Variants in GGA1 observed in about 807,000 individuals in gnomAD.
The protein encoded by GGA1 is ADP-ribosylation factor-binding protein GGA1.
Under a neutral mutation model 76.9 loss-of-function variants are expected in GGA1, and 18 were observed. The observed-to-expected ratio is 0.23, with a 90% CI of 0.16 to 0.35. The LOEUF (loss-of-function observed/expected upper bound fraction) is 0.35. Ranked by LOEUF, GGA1 falls within the 10% of genes least tolerant of loss-of-function variation. The pLI is 1.00. For synonymous variants in GGA1, 342 were observed against 354.7 expected, an observed-to-expected ratio of 0.96 and a Z score of 0.40; for missense variants, 755 against 859.0, an observed-to-expected ratio of 0.88 and a Z score of 1.51.
rs1428518969 is a variant in GGA1 at position 37,624,930 on chromosome 22, A to C, written c.833-39A>C. The C allele has an allele frequency of 1.3e-6, 2 of 1,548,708 alleles. No individual in the cohort carries two copies. The highest frequency in any genetic ancestry group is 1.4e-5 in the African/African-American group (1 of 73,274). On this transcript the variant is annotated intron_variant, in intron 9 of 16. Coordinates refer to ENST00000343632, the MANE Select transcript of GGA1 (RefSeq NM_013365.5). The surrounding 1 kb of genome is among the most constrained non-coding windows in gnomAD (Gnocchi z 4.3). ...TCCCCTGCCGCCCAGAGGCCCCCAC[A>C]GTCCTTCAGCCTGGCCTCTCCCCTC...
Position 37,630,936 on chromosome 22 carries a change from C to G in GGA1, c.1365C>G (p.Leu455=), listed in dbSNP as rs772879217. 3 of 1,613,180 alleles carry G rather than the reference C, an allele frequency of 1.9e-6. No individual in the cohort carries two copies. Among genetic ancestry groups the G allele is most frequent in the Non-Finnish European group, 2.5e-6 (3 of 1,179,802 alleles). The change falls in exon 14 of 17, where the codon CTC becomes CTG. Residue 455 remains leucine, a synonymous_variant. Coordinates refer to ENST00000343632, the MANE Select transcript of GGA1 (RefSeq NM_013365.5). ...AGCAGCCAACCCCCCGGCTCACACT[C>G]CGGGACCTGCAGAATAAGAGCAGCA... ...EKQQPTPRLT[L]RDLQNKSSSC...
At chr22:37,628,928 G>A (rs968006081) in intron 11 of GGA1, among the ~76,000 whole-genome samples, 1 of 152,234 alleles carries the variant, frequency 6.6e-6, no homozygotes, top group Non-Finnish European at 1.5e-5. Context: ...CATAGTACCA[G>A]TGAGCCTCAC....
At chr22:37,622,432 C>CT (rs111826828) in intron 7 of GGA1, among the ~76,000 whole-genome samples, 23 of 142,784 alleles carry the variant, frequency 1.6e-4, no homozygotes, top group Non-Finnish European at 2.9e-4. Context: ...CCTGCTGAAA[C>CT]TTTTTTTTTT....
At position 37,624,876 on chromosome 22, in the gene GGA1, C is replaced by G; in HGVS notation, c.833-93C>G. On this transcript the variant is annotated intron_variant, in intron 9 of 16. Coordinates refer to ENST00000343632, the MANE Select transcript of GGA1 (RefSeq NM_013365.5). This position sits in a 1 kb window ranked among gnomAD's most constrained non-coding sequence, Gnocchi z 4.3. ...CCTGCCCCTTTCCCTTCCCCTCACA[C>G]ACAGGCTGTGATGGATGTGGGGTCC... 1 of 1,494,500 alleles carries G rather than the reference C, an allele frequency of 6.7e-7. No homozygotes were observed. The highest frequency in any genetic ancestry group is 2.5e-5 in the East Asian group (1 of 39,986). The allele number at this position is 1,494,500 out of a possible 1,614,324, so 92.6% of individuals were successfully genotyped here. A position where few individuals can be genotyped will look rare whatever the true frequency, so the allele number is the denominator to read the frequency against.
At chr22:37,615,942 G>A (rs550614700) in intron 2 of GGA1, among the ~76,000 whole-genome samples, 17 of 151,526 alleles carry the variant, frequency 1.1e-4, no homozygotes, top group Non-Finnish European at 2.2e-4. Flanking sequence ...CCAGGTTCAC[G>A]CGGTTCTCCT....
At chr22:37,608,939 C>G in intron 1 of GGA1, 36 bp downstream of exon 1, 2 of 1,323,248 alleles carry the variant, frequency 1.5e-6, no homozygotes, top group Non-Finnish European at 1.9e-6. Flanking sequence ...CGGACCGGAA[C>G]CGGAACCGGG....
At position 37,632,430 on chromosome 22, in the gene GGA1, C is replaced by T. The variant is rs1931989513; in HGVS notation, c.1724C>T (p.Pro575Leu). The T allele has an allele frequency of 6.2e-7, 1 of 1,613,264 alleles. No individual in the cohort carries two copies. The highest frequency in any genetic ancestry group is 8.5e-7 in the Non-Finnish European group (1 of 1,179,260). The stretch of plus-strand genomic sequence containing the variant: ...GTTATGAAGGTGAAGCTGCAGCCAC[C>T]CTCGGGCACGGAGCTGCCAGCTTTT... ...PKVMKVKLQP[P>L]SGTELPAFNP... The change falls in exon 16 of 17, where the codon CCC becomes CTC. Residue 575 changes from proline to leucine, a missense_variant. Transcript: ENST00000343632. This position sits in a 1 kb window ranked among gnomAD's most constrained non-coding sequence, Gnocchi z 5.1.
At chr22:37,611,523 G>T (rs917520965) in intron 1 of GGA1, among the ~76,000 whole-genome samples, 1 of 152,224 alleles carries the variant, frequency 6.6e-6, no homozygotes, top group African/African-American at 2.4e-5. Flanking sequence ...CAGGGATTTT[G>T]TCTGTTCACT....
intron 1 of GGA1, among the ~76,000 whole-genome samples, chr22:37,609,788 C>T (rs1927163405): frequency 6.6e-6 from 1 of 152,164 alleles, no homozygotes; most frequent in Non-Finnish European, 1.5e-5. Flanking sequence ...GGGTTCTCTC[C>T]CAAGGCTTTA....
Position 37,625,780 on chromosome 22 carries a change from CTTCT to C in GGA1, c.941-13_941-10del, listed in dbSNP as rs1302160473. 1.9e-6 allele frequency: 3 copies of C among 1,539,520 alleles called. No homozygotes were observed. Among genetic ancestry groups the C allele is most frequent in the Non-Finnish European group, 1.8e-6 (2 of 1,136,324 alleles). Reference sequence around the variant, plus strand: ...GTGTACACCCAGGACTTGCCAGCCTCTTCTTTCCCACCCCAGGGAGCACCTCGGC... The same window carrying C: ...GTGTACACCCAGGACTTGCCAGCCTCTTCCCACCCCAGGGAGCACCTCGGC... On this transcript the variant is annotated splice_polypyrimidine_tract_variant and intron_variant, in intron 10 of 16. Transcript: ENST00000343632. This position sits in a 1 kb window ranked among gnomAD's most constrained non-coding sequence, Gnocchi z 4.1.
chr22:37,628,053 C>T (rs1931158487), intron 11 of GGA1, among the ~76,000 whole-genome samples: 1 of 152,230 alleles, frequency 6.6e-6, no homozygotes, highest in Admixed American at 6.5e-5. Context: ...GTATTGAACT[C>T]CTGGCCTCAA....
At chr22:37,611,706 GGCTGTGTCCTTCCACACCCTCA>G (rs1192516064) in intron 1 of GGA1, among the ~76,000 whole-genome samples, 1 of 152,186 alleles carries the variant, frequency 6.6e-6, no homozygotes, top group Non-Finnish European at 1.5e-5. Context: ...CTACCTCCTG[GGCTGTGTCCTTCCACACCCTCA>G]GCTCGGTGCT....
At chr22:37,614,978 C>T (rs538722364) in intron 2 of GGA1, among the ~76,000 whole-genome samples, 3 of 152,122 alleles carry the variant, frequency 2.0e-5, no homozygotes, top group East Asian at 1.9e-4. Flanking sequence ...GACTCTGTCT[C>T]GAAAAACAAA....
At chr22:37,616,434 C>G (rs958319084) in intron 2 of GGA1, among the ~76,000 whole-genome samples, 23 of 152,220 alleles carry the variant, frequency 1.5e-4, no homozygotes, top group African/African-American at 5.5e-4. Flanking sequence ...CTTACCGTCA[C>G]TGGTGACGGG....
chr22:37,622,184 T>C (rs1034533475), intron 7 of GGA1, among the ~76,000 whole-genome samples: 17 of 151,554 alleles, frequency 1.1e-4, no homozygotes, highest in Admixed American at 6.6e-4. Context: ...GCTCAAGCAG[T>C]CCTCCCACCT....
At position 37,625,346 on chromosome 22, in the gene GGA1, T is replaced by C. The variant is rs1286795896; in HGVS notation, c.940+270T>C. Among the ~76,000 whole-genome samples the C allele has an allele frequency of 1.3e-5, 2 of 152,060 alleles. No homozygotes were observed. The highest frequency in any genetic ancestry group is 4.8e-5 in the African/African-American group (2 of 41,372). On this transcript the variant is annotated intron_variant, in intron 10 of 16. Transcript: ENST00000343632. The surrounding 1 kb of genome is among the most constrained non-coding windows in gnomAD (Gnocchi z 4.1). ...TCTTTCATTTGACAAATCTGGCACC[T>C]GTTGTATAGGGCTAGATGACACCCC...
At chr22:37,620,942 A>C in intron 6 of GGA1, 29 bp downstream of exon 6, 2 of 1,380,624 alleles carry the variant, frequency 1.4e-6, no homozygotes, top group African/African-American at 2.8e-5. Context: ...ACATATGGGG[A>C]CTCTGAGCCC....
chr22:37,632,624 G>A lies in GGA1; in HGVS notation c.1833G>A (p.Lys611=). 6.2e-7 allele frequency: 1 copy of A among 1,613,410 alleles called. No homozygotes were observed. The highest frequency in any genetic ancestry group is 1.1e-5 in the South Asian group (1 of 91,074). ...AGGAGAAGGTTCGCCTCCGCTACAA[G>A]CTCACCTTCACCATGGGTGACCAGA... ...PQKEKVRLRY[K]LTFTMGDQTY... Residue 611 remains lysine (K), a synonymous_variant, in exon 17 of 17, where the codon AAG becomes AAA. Transcript: ENST00000343632. The surrounding 1 kb of genome is among the most constrained non-coding windows in gnomAD (Gnocchi z 5.1).
chr22:37,617,037 G>T lies in GGA1; in HGVS notation c.204+40G>T, dbSNP rs536146713. ...GGCCACCATCCGTCCCCCGCCATGT[G>T]ACGACACCAAGGGAGGCCAAGACTG... On this transcript the variant is annotated intron_variant, in intron 3 of 16. Transcript: ENST00000343632. The T allele has an allele frequency of 4.3e-5, 67 of 1,571,132 alleles. 1 individual carries two copies. In the East Asian group the frequency reaches 1.5e-3, roughly 35 times the overall value.
Sources: allele counts gnomAD v4.1 joint callset (sites outside exome capture counted in the v4.1 genomes callset), GRCh38; gene constraint gnomAD v4.1.1; non-coding constraint Gnocchi (gnomAD v3.1); transcripts MANE v1.5; gene names NCBI Gene and HGNC (gene_info 2026-07-23, HGNC 2026-07-21).